ZBTB7C: variants seen among roughly 807,000 people sequenced by gnomAD.
ZBTB7C encodes zinc finger and BTB domain-containing protein 7C.
A neutral mutation model predicts 25.7 loss-of-function variants in ZBTB7C; 8 were observed. The ratio of observed to expected loss-of-function variants is 0.31; its 90% CI spans 0.18 to 0.56. The LOEUF (loss-of-function observed/expected upper bound fraction) is 0.56. Among genes scored for constraint, ZBTB7C ranks in the 20% least tolerant of loss-of-function variants. The pLI is 0.91. For synonymous variants in ZBTB7C, 394 were observed against 369.0 expected, an observed-to-expected ratio of 1.07 and a Z score of -0.78; for missense variants, 824 against 855.2, an observed-to-expected ratio of 0.96 and a Z score of 0.46.
At chr18:48,391,449 T>C (rs1215700747) in intron 1 of ZBTB7C, among the ~76,000 whole-genome samples, 2 of 152,238 alleles carry the variant, frequency 1.3e-5, no homozygotes, top group African/African-American at 2.4e-5. Flanking sequence ...AACATTTCTT[T>C]CATGCTCTGA....
intron 1 of ZBTB7C, among the ~76,000 whole-genome samples, chr18:48,350,060 C>T (rs1301351718): frequency 6.6e-6 from 1 of 152,212 alleles, no homozygotes; most frequent in Non-Finnish European, 1.5e-5. Flanking sequence ...TAGACTGGGA[C>T]TCTTAAAAAC....
intron 3 of ZBTB7C, among the ~76,000 whole-genome samples, chr18:48,066,118 C>T (rs1340647854): frequency 1.3e-5 from 2 of 152,232 alleles, no homozygotes; most frequent in Admixed American, 6.5e-5. Context: ...TCCTAACCTT[C>T]GGCTTCCATG....
chr18:48,166,621 C>T (rs984672440), intron 3 of ZBTB7C, among the ~76,000 whole-genome samples: 24 of 152,238 alleles, frequency 1.6e-4, no homozygotes, highest in Admixed American at 3.3e-4. Flanking sequence ...CTCAGCGATA[C>T]GGACAGGACC....
chr18:48,271,130 C>G (rs79855457), intron 2 of ZBTB7C, among the ~76,000 whole-genome samples: 6,946 of 152,172 alleles, frequency 0.046, 179 homozygotes, highest in Middle Eastern at 0.088. Flanking sequence ...AGGCACTAGA[C>G]CAAGAAGGCT....
intron 2 of ZBTB7C, among the ~76,000 whole-genome samples, chr18:48,235,843 C>A (rs985482700): frequency 6.6e-6 from 1 of 152,302 alleles, no homozygotes; most frequent in South Asian, 2.1e-4. Context: ...TCTTTCCTCC[C>A]TGGCTGATTT....
intron 4 of ZBTB7C, among the ~76,000 whole-genome samples, chr18:48,035,140 T>C (rs1011571824): frequency 1.3e-5 from 2 of 152,028 alleles, no homozygotes; most frequent in Admixed American, 6.6e-5. Context: ...CAGGCAGCTG[T>C]GGGGGCACAA....
chr18:48,395,385 G>GTGTGTA (rs2048005583), intron 1 of ZBTB7C, among the ~76,000 whole-genome samples: 1 of 140,754 alleles, frequency 7.1e-6, no homozygotes, highest in African/African-American at 2.6e-5. Flanking sequence ...ATGTGTGTGT[G>GTGTGTA]TGTGTGTGTG....
intron 2 of ZBTB7C, among the ~76,000 whole-genome samples, chr18:48,320,092 G>A (rs1162849042): frequency 1.3e-5 from 2 of 152,062 alleles, no homozygotes; most frequent in Non-Finnish European, 2.9e-5. Context: ...GAGACAGGAA[G>A]TAGACAGGCA....
chr18:48,177,561 G>T (rs1019906211), intron 3 of ZBTB7C, among the ~76,000 whole-genome samples: 1 of 151,916 alleles, frequency 6.6e-6, no homozygotes, highest in African/African-American at 2.4e-5. Context: ...GGGTGTGTGC[G>T]TGTGTGTGTG....
chr18:48,155,414 G>GC (rs1294098991), intron 3 of ZBTB7C, among the ~76,000 whole-genome samples: 5 of 126,924 alleles, frequency 3.9e-5, no homozygotes, highest in Admixed American at 2.0e-4. Context: ...TGCAAGCTCC[G>GC]CCCCCCGGGT....
intron 1 of ZBTB7C, among the ~76,000 whole-genome samples, chr18:48,361,798 C>T (rs1376463294): frequency 2.0e-5 from 3 of 152,140 alleles, no homozygotes; most frequent in South Asian, 2.1e-4. Context: ...CTCAGAAGCC[C>T]GAGGTGGAGG....
intron 2 of ZBTB7C, among the ~76,000 whole-genome samples, chr18:48,268,788 C>T (rs1313736758): frequency 1.3e-5 from 2 of 151,726 alleles, no homozygotes; most frequent in Non-Finnish European, 2.9e-5. Context: ...TCTATCTATG[C>T]ATCTATATAC....
chr18:48,309,763 T>A (rs963172663), intron 2 of ZBTB7C, among the ~76,000 whole-genome samples: 7 of 152,192 alleles, frequency 4.6e-5, no homozygotes, highest in African/African-American at 1.7e-4. Flanking sequence ...TTATCTTATT[T>A]TTCTCATTTG....
At position 48,407,600 on chromosome 18, in the gene ZBTB7C, C is replaced by T. The variant is rs138336837; in HGVS notation, c.-304+1626G>A. 1.1e-3 allele frequency among the ~76,000 whole-genome samples: 169 copies of T among 152,344 alleles called. 1 individual carries two copies. Among genetic ancestry groups the T allele is most frequent in the African/African-American group, 3.8e-3 (158 of 41,584 alleles). On this transcript the variant is annotated intron_variant, in intron 1 of 4. Transcript: ENST00000590800. ...CTGGAAGGCTGATGTCATTTCTAGT[C>T]TCACTGGGCCTCTAGCCACTGTAGC...
intron 1 of ZBTB7C, among the ~76,000 whole-genome samples, chr18:48,386,032 T>C (rs2047739978): frequency 6.6e-6 from 1 of 152,230 alleles, no homozygotes; most frequent in Non-Finnish European, 1.5e-5. Context: ...TCTCCACCTT[T>C]TCTGGTTCCT....
At chr18:48,037,926 C>T (rs761942490) in intron 4 of ZBTB7C, among the ~76,000 whole-genome samples, 3 of 152,190 alleles carry the variant, frequency 2.0e-5, no homozygotes, top group East Asian at 1.9e-4. Context: ...CCAGGCCCCC[C>T]GTGAAGATGG....
At chr18:48,243,716 A>G (rs2144375406) in intron 2 of ZBTB7C, among the ~76,000 whole-genome samples, 1 of 152,360 alleles carries the variant, frequency 6.6e-6, no homozygotes, top group Admixed American at 6.5e-5. Context: ...CACATAGCCA[A>G]AGCAAGACTA....
chr18:48,203,060 C>G (rs1300631179), intron 2 of ZBTB7C, among the ~76,000 whole-genome samples: 2 of 152,140 alleles, frequency 1.3e-5, no homozygotes, highest in Non-Finnish European at 2.9e-5. Flanking sequence ...GTCCACACCT[C>G]CCAGCATGGA....
At chr18:48,343,168 T>C (rs2046644886) in intron 1 of ZBTB7C, among the ~76,000 whole-genome samples, 1 of 152,158 alleles carries the variant, frequency 6.6e-6, no homozygotes, top group African/African-American at 2.4e-5. Context: ...TGTAAAATGA[T>C]GCGGTTAGAT....
Sources: gnomAD v4.1 joint callset for allele counts (sites outside exome capture counted in the v4.1 genomes callset) on GRCh38, gnomAD v4.1.1 for gene constraint, MANE v1.5 for transcripts, NCBI Gene and HGNC (gene_info 2026-07-23, HGNC 2026-07-21) for gene names.